Variants in PLXDC2 observed in about 807,000 individuals in gnomAD.
PLXDC2 encodes the protein plexin domain-containing protein 2.
In PLXDC2, 40 loss-of-function variants were observed where a neutral mutation model predicts 68.9. The ratio of observed to expected loss-of-function variants is 0.58; its 90% CI spans 0.45 to 0.76. The LOEUF is 0.76. Among genes scored for constraint, PLXDC2 ranks in the 30% least tolerant of loss-of-function variants. The pLI is 0.00. For synonymous variants in PLXDC2, 243 were observed against 234.2 expected (o/e 1.04, Z -0.34); for missense variants, 644 against 661.9 (o/e 0.97, Z 0.30).
At chr10:19,839,284 C>T (rs1295466212) in intron 1 of PLXDC2, among the ~76,000 whole-genome samples, 1 of 152,138 alleles carries the variant, frequency 6.6e-6, no homozygotes, top group Non-Finnish European at 1.5e-5. Context: ...CCCATGTGCC[C>T]TGGGCATGTG....
intron 1 of PLXDC2, among the ~76,000 whole-genome samples, chr10:19,960,563 C>T (rs1252752429): frequency 6.6e-6 from 1 of 151,972 alleles, no homozygotes; most frequent in Non-Finnish European, 1.5e-5. Flanking sequence ...CTCTTTTATT[C>T]TTCTATCCTC....
chr10:20,271,023 T>A (rs1411155422), intron 13 of PLXDC2, among the ~76,000 whole-genome samples: 3 of 150,936 alleles, frequency 2.0e-5, no homozygotes, highest in Non-Finnish European at 4.4e-5. Context: ...GTAGTAGAAG[T>A]TGAAACCCAA....
chr10:20,024,127 C>T (rs574616199), intron 2 of PLXDC2, among the ~76,000 whole-genome samples: 1 of 152,272 alleles, frequency 6.6e-6, no homozygotes, highest in South Asian at 2.1e-4. Flanking sequence ...TATTTTGCCT[C>T]CTTGACTTTC....
chr10:20,214,522 C>A (rs1305468286), intron 10 of PLXDC2, among the ~76,000 whole-genome samples: 1 of 152,068 alleles, frequency 6.6e-6, no homozygotes, highest in African/African-American at 2.4e-5. Context: ...GCAAATTCTG[C>A]TTTTTTAACT....
chr10:20,257,390 G>T (rs938861420), intron 13 of PLXDC2, among the ~76,000 whole-genome samples: 1 of 152,116 alleles, frequency 6.6e-6, no homozygotes. Context: ...AGGCATGTGT[G>T]TGCATACTTA....
intron 4 of PLXDC2, among the ~76,000 whole-genome samples, chr10:20,081,573 C>G (rs898236984): frequency 4.6e-5 from 7 of 152,126 alleles, no homozygotes; most frequent in Non-Finnish European, 1.0e-4. Flanking sequence ...CCAAAACTGA[C>G]AGATGTCAAA....
intron 1 of PLXDC2, among the ~76,000 whole-genome samples, chr10:19,978,875 A>C (rs368155668): frequency 1.3e-5 from 2 of 152,238 alleles, no homozygotes; most frequent in African/African-American, 2.4e-5. Flanking sequence ...TGATTACAAG[A>C]TAAGAGTAAG....
intron 1 of PLXDC2, among the ~76,000 whole-genome samples, chr10:19,875,822 A>G (rs1317150533): frequency 6.6e-6 from 1 of 152,186 alleles, no homozygotes; most frequent in African/African-American, 2.4e-5. Flanking sequence ...AATCAGAGAG[A>G]TGAGAGATTT....
At chr10:20,145,788 C>T (rs888796735) in intron 5 of PLXDC2, among the ~76,000 whole-genome samples, 6 of 152,008 alleles carry the variant, frequency 3.9e-5, no homozygotes, top group Admixed American at 1.3e-4. Context: ...CTCCTGACCT[C>T]GTGATCCGCC....
chr10:19,868,332 C>G lies in PLXDC2; in HGVS notation c.112+51141C>G, dbSNP rs971576830. Reference sequence around the variant, plus strand: ...TCCCTTCTTTGTGACCATTTCTTCTCAATATTTAGCTTAATAGGTAGTTTT... The same window carrying G: ...TCCCTTCTTTGTGACCATTTCTTCTGAATATTTAGCTTAATAGGTAGTTTT... On this transcript the variant is annotated intron_variant, in intron 1 of 13. Transcript: ENST00000377252. Among the ~76,000 whole-genome samples, 4 of 152,178 alleles carry G rather than the reference C, an allele frequency of 2.6e-5. No homozygotes were observed. The East Asian group carries it at 5.8e-4, about 22-fold the overall frequency.
chr10:19,846,765 G>A (rs1032235986), intron 1 of PLXDC2, among the ~76,000 whole-genome samples: 1 of 152,104 alleles, frequency 6.6e-6, no homozygotes, highest in African/African-American at 2.4e-5. Context: ...GCATCAAGTG[G>A]CCATCTCAGA....
rs541933156 is a variant in PLXDC2, at chr10:19,926,845, C to G, written c.113-74930C>G. 2.0e-5 allele frequency among the ~76,000 whole-genome samples: 3 copies of G among 152,218 alleles called. No homozygotes were observed. The South Asian group carries it at 6.2e-4, about 32-fold the overall frequency. On this transcript the variant is annotated intron_variant, in intron 1 of 13. Transcript: ENST00000377252. ...AGTATCTGTAAAGACCAATGAGAGC[C>G]CTTGACATTTTGATCATTGCATCTT...
chr10:20,090,062 C>A (rs1179162707), intron 4 of PLXDC2, among the ~76,000 whole-genome samples: 3 of 152,092 alleles, frequency 2.0e-5, no homozygotes, highest in African/African-American at 7.2e-5. Flanking sequence ...AGCTGGCTCA[C>A]CACAAATGAA....
intron 1 of PLXDC2, among the ~76,000 whole-genome samples, chr10:19,970,553 A>T (rs1201525641): frequency 6.6e-6 from 1 of 152,344 alleles, no homozygotes; most frequent in South Asian, 2.1e-4. Context: ...GCAAAGCACA[A>T]GTAGTAGCCT....
intron 2 of PLXDC2, among the ~76,000 whole-genome samples, chr10:20,008,957 T>C (rs1188578481): frequency 6.6e-6 from 1 of 152,198 alleles, no homozygotes; most frequent in African/African-American, 2.4e-5. Flanking sequence ...GAATCTCTTT[T>C]TCTTTATAAA....
intron 12 of PLXDC2, among the ~76,000 whole-genome samples, chr10:20,239,549 G>A (rs1368343472): frequency 3.3e-5 from 5 of 152,032 alleles, no homozygotes; most frequent in Non-Finnish European, 7.4e-5. Context: ...GATCTCATGG[G>A]GACTCACTAT....
intron 3 of PLXDC2, among the ~76,000 whole-genome samples, chr10:20,055,206 T>G (rs1256004904): frequency 6.6e-6 from 1 of 152,122 alleles, no homozygotes; most frequent in East Asian, 1.9e-4. Flanking sequence ...TGATGACATT[T>G]CTGACTACTT....
chr10:20,230,710 A>AAAAAAAAAAAAAAAAAAAAAAG (rs1835352153), intron 12 of PLXDC2, among the ~76,000 whole-genome samples: 1 of 149,702 alleles, frequency 6.7e-6, no homozygotes, highest in Non-Finnish European at 1.5e-5. Context: ...AAAAAAAAAA[A>AAAAAAAAAAAAAAAAAAAAAAG]AAAACAGGAA....
At chr10:19,958,238 G>T (rs1834102460) in intron 1 of PLXDC2, among the ~76,000 whole-genome samples, 1 of 151,960 alleles carries the variant, frequency 6.6e-6, no homozygotes, top group African/African-American at 2.4e-5. Context: ...TAGCAGTGAG[G>T]TACCTGTTAT....
Sources: gnomAD v4.1 joint callset for allele counts (sites outside exome capture counted in the v4.1 genomes callset) on GRCh38, gnomAD v4.1.1 for gene constraint, MANE v1.5 for transcripts, NCBI Gene and HGNC (gene_info 2026-07-23, HGNC 2026-07-21) for gene names.